Variants in OR3A2 observed in about 807,000 individuals in gnomAD.
OR3A2 encodes the protein olfactory receptor family 3 subfamily A member 2.
For synonymous variants in OR3A2, 126 were observed against 159.3 expected (o/e 0.79, Z 1.57); for missense variants, 318 against 392.8 (o/e 0.81, Z 1.61).
At chr17:3,302,040 C>T (rs2676606) in intron 3 of OR3A2, among the ~76,000 whole-genome samples, 96,175 of 151,780 alleles carry the variant, frequency 0.63, 31,289 homozygotes, top group East Asian at 1. Flanking sequence ...TTACAAGGGA[C>T]GTGAAGGACC....
At chr17:3,308,670 G>T (rs2049016750) in intron 3 of OR3A2, among the ~76,000 whole-genome samples, 1 of 152,164 alleles carries the variant, frequency 6.6e-6, no homozygotes, top group Non-Finnish European at 1.5e-5. Context: ...GACTGAGTTT[G>T]AGGTAATGGT....
intron 2 of OR3A2, among the ~76,000 whole-genome samples, chr17:3,369,601 A>G (rs1395498537): frequency 1.3e-5 from 2 of 152,186 alleles, no homozygotes; most frequent in East Asian, 3.9e-4. Flanking sequence ...TTCGTATATT[A>G]TATTTTCGAT....
At chr17:3,351,919 C>A (rs961753486) in intron 2 of OR3A2, among the ~76,000 whole-genome samples, 78 of 152,006 alleles carry the variant, frequency 5.1e-4, no homozygotes, top group Non-Finnish European at 9.4e-4. Flanking sequence ...CCTGAGAAAA[C>A]CAAGCAATGG....
At chr17:3,326,070 T>G (rs933813236) in intron 3 of OR3A2, among the ~76,000 whole-genome samples, 1 of 152,108 alleles carries the variant, frequency 6.6e-6, no homozygotes, top group Non-Finnish European at 1.5e-5. Context: ...ATTAGTTTGC[T>G]AAGGATAATG....
intron 2 of OR3A2, among the ~76,000 whole-genome samples, chr17:3,368,141 A>T (rs1172125231): frequency 1.3e-5 from 2 of 152,026 alleles, no homozygotes; most frequent in African/African-American, 4.8e-5. Flanking sequence ...TTAGTGCTTT[A>T]TCAGATGCAT....
At chr17:3,332,742 T>C (rs1440303327) in intron 3 of OR3A2, among the ~76,000 whole-genome samples, 1 of 152,238 alleles carries the variant, frequency 6.6e-6, no homozygotes, top group Non-Finnish European at 1.5e-5. Context: ...TGCCTGTCTT[T>C]ACTGCAATCT....
upstream of OR3A2, among the ~76,000 whole-genome samples, chr17:3,284,900 G>A (rs1043819999): frequency 6.6e-6 from 1 of 151,746 alleles, no homozygotes; most frequent in Non-Finnish European, 1.5e-5. Flanking sequence ...TCTTGGACCT[G>A]GGGAGGTAGG....
chr17:3,322,972 T>C (rs2049138088), intron 3 of OR3A2, among the ~76,000 whole-genome samples: 2 of 152,310 alleles, frequency 1.3e-5, no homozygotes, highest in South Asian at 2.1e-4. Flanking sequence ...CAGTGGGGTG[T>C]TAAAGTCTCC....
intron 2 of OR3A2, among the ~76,000 whole-genome samples, chr17:3,372,562 C>A (rs1035241000): frequency 1.3e-4 from 20 of 152,126 alleles, no homozygotes; most frequent in African/African-American, 4.8e-4. Context: ...GAGACTCCGT[C>A]TGCAATCCCG....
chr17:3,294,143 T>C (rs904566885), intron 3 of OR3A2, among the ~76,000 whole-genome samples: 2 of 150,752 alleles, frequency 1.3e-5, no homozygotes, highest in Non-Finnish European at 3.0e-5. Context: ...AAAAAGAAAA[T>C]TGTTACCCAA....
chr17:3,278,781 A>G, exon 2 of OR3A2: 2 of 1,464,734 alleles, frequency 1.4e-6, no homozygotes. Context: ...CAGGATGCTG[A>G]GGTTGCCCCC....
intron 2 of OR3A2, among the ~76,000 whole-genome samples, chr17:3,350,147 T>C (rs1398835180): frequency 6.6e-6 from 1 of 151,488 alleles, no homozygotes; most frequent in African/African-American, 2.4e-5. Flanking sequence ...GCAAACACTT[T>C]CAAAAGCTAG....
At chr17:3,305,528 T>C (rs1488243009) in intron 3 of OR3A2, among the ~76,000 whole-genome samples, 1 of 152,186 alleles carries the variant, frequency 6.6e-6, no homozygotes, top group Non-Finnish European at 1.5e-5. Context: ...GAGGTAGAGA[T>C]TACTCATGAC....
chr17:3,311,096 C>A lies in OR3A2; in HGVS notation c.-85+24937G>T, dbSNP rs1252140817. The A allele has an allele frequency of 1.8e-6, 1 of 543,254 alleles. No homozygotes were observed. Among genetic ancestry groups the A allele is most frequent in the East Asian group, 5.3e-5 (1 of 18,960 alleles). 33.7% of individuals were successfully genotyped at this position (543,254 alleles called of 1,614,324 possible). A position where few individuals can be genotyped will look rare whatever the true frequency, so the allele number is the denominator to read the frequency against. ...TCTATGGGACGGGCGTCTTCAGCTA[C>A]ACAAGGCTGGGTTCAGTGGAGTCTT... On this transcript the variant is annotated intron_variant, in intron 3 of 4. Transcript: ENST00000573491. The surrounding 1 kb of genome is among the most constrained non-coding windows in gnomAD (Gnocchi z 4.6).
chr17:3,370,196 A>C (rs2049600904), intron 2 of OR3A2, among the ~76,000 whole-genome samples: 1 of 152,116 alleles, frequency 6.6e-6, no homozygotes, highest in Non-Finnish European at 1.5e-5. Context: ...TTACTGTTTC[A>C]ATCTTGCTAC....
intron 2 of OR3A2, among the ~76,000 whole-genome samples, chr17:3,338,494 A>G (rs1039382674): frequency 2.6e-5 from 4 of 152,194 alleles, no homozygotes; most frequent in African/African-American, 9.7e-5. Flanking sequence ...ACATATGGCT[A>G]GCCAGTTTTC....
At chr17:3,291,403 C>A in intron 3 of OR3A2, 1 of 423,680 alleles carries the variant, frequency 2.4e-6, no homozygotes, top group Non-Finnish European at 4.2e-6. Flanking sequence ...GGAGAGAACA[C>A]GGTGCCTGAA....
In OR3A2 at chr17:3,347,763, A is replaced by C. The variant is rs372434407; in HGVS notation, c.-178-11637T>G. Among the ~76,000 whole-genome samples the C allele has an allele frequency of 2.6e-4, 40 of 152,302 alleles. 1 individual carries two copies. The East Asian group carries it at 4.0e-3, about 15-fold the overall frequency. ...ATAGTCCTTTGGGTATATACCCAGTAATGGGATGGCTGGGTCAAATACTAT... is the reference window on the plus strand; with the variant it reads ...ATAGTCCTTTGGGTATATACCCAGTCATGGGATGGCTGGGTCAAATACTAT... On this transcript the variant is annotated intron_variant, in intron 2 of 4. Coordinates refer to the OR3A2 transcript ENST00000573491.
intron 3 of OR3A2, among the ~76,000 whole-genome samples, chr17:3,334,048 A>C (rs1388841538): frequency 6.6e-6 from 1 of 152,198 alleles, no homozygotes; most frequent in African/African-American, 2.4e-5. Context: ...TCAAAACCAC[A>C]ATTAAGATAT....
Sources: allele counts gnomAD v4.1 joint callset (sites outside exome capture counted in the v4.1 genomes callset), GRCh38; gene constraint gnomAD v4.1.1; non-coding constraint Gnocchi (gnomAD v3.1); transcripts MANE v1.5; gene names NCBI Gene and HGNC (gene_info 2026-07-23, HGNC 2026-07-21).